HPRT1: variants seen among roughly 807,000 people sequenced by gnomAD.
HPRT1 encodes hypoxanthine phosphoribosyltransferase 1.
In HPRT1, 4 loss-of-function variants were observed where a neutral mutation model predicts 19.0. The observed-to-expected ratio is 0.21, with a 90% CI of 0.10 to 0.48. HPRT1 has a LOEUF of 0.48. HPRT1 is among the 20% of genes least tolerant of loss of function. HPRT1 has a pLI of 0.98. For missense variants in HPRT1, 65 were observed against 164.0 expected (o/e 0.40, Z 3.30); for synonymous variants, 53 against 54.9 (o/e 0.97, Z 0.15).
chrX:134,491,211 A>C (rs1269668604), intron 5 of HPRT1, among the ~76,000 whole-genome samples: 1 of 109,322 alleles, frequency 9.1e-6, no homozygotes, highest in Non-Finnish European at 1.9e-5. Context: ...CTGATCATCT[A>C]CCTACTTGCT....
chrX:134,475,346 C>A lies in HPRT1; in HGVS notation c.300C>A (p.Ile100=). ...DRSIPMTVDF[I]RLKSYCNDQS... ...CCATTCCTATGACTGTAGATTTTAT[C>A]AGACTGAAGAGCTATTGTGTGAGTA... is the stretch of plus-strand genomic sequence containing the variant. Residue 100 remains isoleucine (I), a synonymous_variant, in exon 3 of 9, where the codon ATC becomes ATA. Coordinates refer to ENST00000298556, the MANE Select transcript of HPRT1 (RefSeq NM_000194.3). 8.6e-7 allele frequency: 1 copy of A among 1,156,986 alleles called. No individual in the cohort carries two copies. Among genetic ancestry groups the A allele is most frequent in the Non-Finnish European group, 1.2e-6 (1 of 846,054 alleles).
In HPRT1 at chrX:134,486,445, T is replaced by TAG; in HGVS notation, c.319-20_319-19insAG. 6 of 390,590 alleles carry TAG rather than the reference T, an allele frequency of 1.5e-5. No individual in the cohort carries two copies. The highest frequency in any genetic ancestry group is 8.1e-5 in the African/African-American group (2 of 24,724). The allele number at this position is 390,590 out of a possible 1,213,427, so 32.2% of individuals were successfully genotyped here. On this transcript the variant is annotated intron_variant, in intron 3 of 8. Transcript: ENST00000298556. ...TGTGTGTAGATATATATATATATAG[T>TAG]TTTTTTTTTTTTTAACTAGAATGAC...
intron 1 of HPRT1, among the ~76,000 whole-genome samples, chrX:134,467,701 A>G (rs1053482881): frequency 2.1e-4 from 23 of 110,886 alleles, no homozygotes; most frequent in African/African-American, 7.5e-4. Flanking sequence ...TTATTGAATT[A>G]TACCTATTTA....
At chrX:134,463,666 G>A (rs769090567) in intron 1 of HPRT1, among the ~76,000 whole-genome samples, 45 of 112,036 alleles carry the variant, frequency 4.0e-4, no homozygotes, top group African/African-American at 1.4e-3. Context: ...GCAGAGAAGA[G>A]TTGCCTTGGA....
chrX:134,491,899 TTGTGTG>T (rs752346123), intron 5 of HPRT1, among the ~76,000 whole-genome samples: 1 of 100,818 alleles, frequency 9.9e-6, no homozygotes, highest in Non-Finnish European at 2.0e-5. Context: ...GCCTGGCTAA[TTGTGTG>T]TGTGTGTGTG....
At chrX:134,460,721 A>G (rs1448498496) in intron 1 of HPRT1, among the ~76,000 whole-genome samples, 4 of 105,516 alleles carry the variant, frequency 3.8e-5, no homozygotes, top group Non-Finnish European at 7.8e-5. Flanking sequence ...CTTCCCTGGA[A>G]GTTTGGGGTG....
chrX:134,462,759 T>G, intron 1 of HPRT1, among the ~76,000 whole-genome samples: 1 of 112,473 alleles, frequency 8.9e-6, no homozygotes, highest in Admixed American at 9.5e-5. Context: ...TCTTCCTTTT[T>G]AAAAAATTTC....
intron 3 of HPRT1, among the ~76,000 whole-genome samples, chrX:134,478,775 G>A (rs1488567186): frequency 1.8e-5 from 2 of 111,924 alleles, no homozygotes; most frequent in Non-Finnish European, 1.9e-5. Context: ...AAGTAGCTTG[G>A]TAGGATTTTA....
chrX:134,477,403 TATATA>T (rs746868883), intron 3 of HPRT1, among the ~76,000 whole-genome samples: 4 of 110,952 alleles, frequency 3.6e-5, no homozygotes, highest in Non-Finnish European at 7.5e-5. Flanking sequence ...GGGTATATTT[TATATA>T]ATATAATAAT....
At chrX:134,485,975 C>T (rs2077651716) in intron 3 of HPRT1, among the ~76,000 whole-genome samples, 1 of 111,797 alleles carries the variant, frequency 8.9e-6, no homozygotes, top group Non-Finnish European at 1.9e-5. Flanking sequence ...CTGAAGATGA[C>T]GGGGCCTGGG....
chrX:134,484,112 A>G (rs2077646698), intron 3 of HPRT1, among the ~76,000 whole-genome samples: 1 of 112,022 alleles, frequency 8.9e-6, no homozygotes, highest in Admixed American at 9.5e-5. Flanking sequence ...CTATCACCGT[A>G]GCCTTTGGAT....
At chrX:134,464,405 G>GTT (rs1183335893) in intron 1 of HPRT1, among the ~76,000 whole-genome samples, 1 of 108,783 alleles carries the variant, frequency 9.2e-6, no homozygotes, top group Admixed American at 9.9e-5. Flanking sequence ...GCTTTGAGGT[G>GTT]TTTTTTTTTG....
chrX:134,482,990 T>C lies in HPRT1; in HGVS notation c.319-3475T>C, dbSNP rs776700483. On this transcript the variant is annotated intron_variant, in intron 3 of 8. Coordinates refer to ENST00000298556, the MANE Select transcript of HPRT1 (RefSeq NM_000194.3). Reference sequence around the variant, plus strand: ...TGAGTGTGGTAGACTTGGGGCCTGCTTGAATGTTGAGAGAATGACTGTTTT... The same window carrying C: ...TGAGTGTGGTAGACTTGGGGCCTGCCTGAATGTTGAGAGAATGACTGTTTT... Among the ~76,000 whole-genome samples the C allele has an allele frequency of 2.7e-5, 3 of 110,211 alleles. No homozygotes were observed. In the East Asian group the frequency reaches 8.6e-4, roughly 31 times the overall value.
intron 1 of HPRT1, among the ~76,000 whole-genome samples, chrX:134,471,244 AAAG>A (rs1334856923): frequency 1.8e-5 from 2 of 111,856 alleles, no homozygotes; most frequent in African/African-American, 6.5e-5. Context: ...GCAAAGCAAT[AAAG>A]AACTAAATAA....
chrX:134,495,951 T>C (rs1045661814), intron 6 of HPRT1, among the ~76,000 whole-genome samples: 2 of 112,611 alleles, frequency 1.8e-5, no homozygotes, highest in Non-Finnish European at 3.7e-5. Flanking sequence ...TCCCTTGTTT[T>C]GGCTGAATAA....
rs772186181 is a variant in HPRT1, at chrX:134,492,048, C to T, written c.403-1460C>T. Reference sequence around the variant, plus strand: ...ATATATATATATACACACACACACACATATATATATATATAGTTTTTTTTT... The same window carrying T: ...ATATATATATATACACACACACACATATATATATATATATAGTTTTTTTTT... On this transcript the variant is annotated intron_variant, in intron 5 of 8. Transcript: ENST00000298556. 7.3e-3 allele frequency among the ~76,000 whole-genome samples: 681 copies of T among 92,811 alleles called. 3 individuals are homozygous for T. The highest frequency in any genetic ancestry group is 9.9e-3 in the Non-Finnish European group (476 of 48,323). The allele number at this position is 92,811 out of a possible 115,157, so 80.6% of individuals were successfully genotyped here. A position where few individuals can be genotyped will look rare whatever the true frequency, so the allele number is the denominator to read the frequency against.
At chrX:134,482,964 T>C (rs965276890) in intron 3 of HPRT1, among the ~76,000 whole-genome samples, 24 of 110,163 alleles carry the variant, frequency 2.2e-4, no homozygotes, top group African/African-American at 7.3e-4. Context: ...GAAAATGTGA[T>C]TGAGTGTGGT....
chrX:134,488,273 G>T (rs756873247), intron 4 of HPRT1, among the ~76,000 whole-genome samples: 1 of 110,175 alleles, frequency 9.1e-6, no homozygotes, highest in South Asian at 4.0e-4. Flanking sequence ...AAGTAGCTGG[G>T]ATTACAGGCG....
At chrX:134,499,925 T>C in intron 8 of HPRT1, 105 bp from the exon 9 acceptor site, 1 of 566,112 alleles carries the variant, frequency 1.8e-6, no homozygotes, top group Non-Finnish European at 3.1e-6. Context: ...CTCTGTTTAG[T>C]AAGAACCCTG....
Sources: gnomAD v4.1 joint callset for allele counts (sites outside exome capture counted in the v4.1 genomes callset) on GRCh38, gnomAD v4.1.1 for gene constraint, MANE v1.5 for transcripts, NCBI Gene and HGNC (gene_info 2026-07-23, HGNC 2026-07-21) for gene names.